The following TTC38 variants were observed in gnomAD, a reference collection of about 807,000 sequenced individuals.
The protein encoded by TTC38 is tetratricopeptide repeat domain 38, also known as tetratricopeptide repeat protein 38.
In TTC38, 64 loss-of-function variants were observed where a neutral mutation model predicts 64.2. That is an observed-to-expected ratio of 1.00 (90% CI 0.81 to 1.23). The LOEUF is 1.23. Ranked by LOEUF, TTC38 falls within the 50% of genes most tolerant of loss-of-function variation. TTC38 has a pLI of 0.00. For missense variants in TTC38, 573 were observed against 615.5 expected, an observed-to-expected ratio of 0.93 and a Z score of 0.73; for synonymous variants, 254 against 249.3, an observed-to-expected ratio of 1.02 and a Z score of -0.18.
intron 12 of TTC38, 126 bp from the exon 13 acceptor site, chr22:46,289,700 G>A: frequency 6.8e-7 from 1 of 1,467,816 alleles, no homozygotes; most frequent in Non-Finnish European, 9.5e-7. Flanking sequence ...CGCCGTGTAA[G>A]TTCGTCGTTG....
chr22:46,287,653 A>G (rs939172192), intron 10 of TTC38, among the ~76,000 whole-genome samples: 2 of 152,184 alleles, frequency 1.3e-5, no homozygotes, highest in African/African-American at 4.8e-5. Flanking sequence ...GGGGTGCCAG[A>G]TGGTTCTCCC....
At chr22:46,285,730 A>G (rs961717317) in intron 9 of TTC38, among the ~76,000 whole-genome samples, 3 of 152,002 alleles carry the variant, frequency 2.0e-5, no homozygotes, top group Admixed American at 6.6e-5. Context: ...TACGTGTACA[A>G]GGCCGGGTGT....
Position 46,292,678 on chromosome 22 carries a change from C to A in TTC38, c.1317-113C>A. ...CCCCTGGGCCTTGGCCCTTGCTGTT[C>A]CCTCAGTGCCGCAGTCTAGCCTGCC... On this transcript the variant is annotated intron_variant, in intron 13 of 13. Transcript: ENST00000381031. This position sits in a 1 kb window ranked among gnomAD's most constrained non-coding sequence, Gnocchi z 6.5. The A allele has an allele frequency of 1.1e-6, 1 of 944,908 alleles. No homozygotes were observed. Among genetic ancestry groups the A allele is most frequent in the Non-Finnish European group, 1.7e-6 (1 of 598,456 alleles). The allele number at this position is 944,908 out of a possible 1,614,324, so 58.5% of individuals were successfully genotyped here.
rs371709747 is a variant in TTC38 at position 46,275,409 on chromosome 22, TC to T, written c.532del (p.Leu178Ter). 1.3e-3 allele frequency: 2,022 copies of T among 1,613,858 alleles called. 55 individuals carry two copies. The South Asian group carries it at 0.021, about 17-fold the overall frequency. Reference sequence around the variant, plus strand: ...ATTTACCCCTTCTGGACACCTGACATCCCCCTAAGCAGGTATGTGCCAGCTG... The same window carrying T: ...ATTTACCCCTTCTGGACACCTGACATCCCCTAAGCAGGTATGTGCCAGCTG... The part of the protein sequence containing the change: ...ARIYPFWTPD[I>X]PLSSYVKGIY... On this transcript the variant is annotated frameshift_variant, in exon 5 of 14. Transcript: ENST00000381031. LOFTEE classifies it high-confidence loss of function. This position sits in a 1 kb window ranked among gnomAD's most constrained non-coding sequence, Gnocchi z 4.5.
chr22:46,292,834 C>T lies in TTC38; in HGVS notation c.1360C>T (p.Leu454=), dbSNP rs753969652. Residue 454 remains leucine (L), a synonymous_variant, in exon 14 of 14, where the codon CTG becomes TTG. Coordinates refer to ENST00000381031, the MANE Select transcript of TTC38 (RefSeq NM_017931.4). This position sits in a 1 kb window ranked among gnomAD's most constrained non-coding sequence, Gnocchi z 6.5. ...ERDALKPNSP[L]TERLIRKAAT... is the part of the protein sequence containing the mutation. ...TGATGCCTTGAAGCCCAACTCGCCC[C>T]TGACCGAGCGGCTCATCCGCAAGGC... is the stretch of plus-strand genomic sequence containing the variant. 3.7e-6 allele frequency: 6 copies of T among 1,614,094 alleles called. No homozygotes were observed. In the East Asian group the frequency reaches 1.3e-4, roughly 36 times the overall value.
chr22:46,281,516 C>G lies in TTC38; in HGVS notation c.616-83C>G. 6.6e-7 allele frequency: 1 copy of G among 1,526,454 alleles called. No individual in the cohort carries two copies. The highest frequency in any genetic ancestry group is 1.1e-5 in the South Asian group (1 of 86,976). The allele number at this position is 1,526,454 out of a possible 1,614,324, so 94.6% of individuals were successfully genotyped here. On this transcript the variant is annotated intron_variant, in intron 6 of 13. Transcript: ENST00000381031. The surrounding 1 kb of genome is among the most constrained non-coding windows in gnomAD (Gnocchi z 5.2). ...CCCCGTTCAGCCCAGGCCCCTCTTGCCCCTTAGAGACCTGCCGTCGCCTGC... is the reference window on the plus strand; with the variant it reads ...CCCCGTTCAGCCCAGGCCCCTCTTGGCCCTTAGAGACCTGCCGTCGCCTGC...
At chr22:46,279,615 C>T (rs867446073) in intron 6 of TTC38, among the ~76,000 whole-genome samples, 13 of 152,356 alleles carry the variant, frequency 8.5e-5, no homozygotes, top group Admixed American at 2.0e-4. Context: ...AGCATCCTCT[C>T]TGGGAGACAG....
chr22:46,289,633 G>A (rs1394912688), intron 12 of TTC38, 72 bp downstream of exon 12: 2 of 1,529,408 alleles, frequency 1.3e-6, no homozygotes, highest in Non-Finnish European at 1.8e-6. Context: ...CAGCCCCCAA[G>A]TTTCTCCCAT....
intron 13 of TTC38, among the ~76,000 whole-genome samples, 189 bp downstream of exon 13, chr22:46,290,088 C>T (rs1489072362): frequency 6.6e-6 from 1 of 152,180 alleles, no homozygotes; most frequent in African/African-American, 2.4e-5. Context: ...GGAGCCAGCC[C>T]CACCCCAGGC....
At chr22:46,269,026 T>C in intron 2 of TTC38, 3 of 359,882 alleles carry the variant, frequency 8.3e-6, no homozygotes, top group South Asian at 6.3e-5. Flanking sequence ...ACCTTAGCAA[T>C]AGATGGCAGC....
In TTC38 at chr22:46,274,462, G is replaced by A. The variant is rs1049760361; in HGVS notation, c.365+393G>A. Among the ~76,000 whole-genome samples the A allele has an allele frequency of 6.6e-6, 1 of 152,332 alleles. No individual in the cohort carries two copies. The highest frequency in any genetic ancestry group is 1.9e-4 in the East Asian group (1 of 5,182). On this transcript the variant is annotated intron_variant, in intron 4 of 13. Transcript: ENST00000381031. This position sits in a 1 kb window ranked among gnomAD's most constrained non-coding sequence, Gnocchi z 4.8. ...CTTCACCCATAAGTTCCTTGCTCTT[G>A]CACTGACTTTCACATCATCCCCCCG...
At position 46,289,513 on chromosome 22, in the gene TTC38, C is replaced by T. The variant is rs1257931164; in HGVS notation, c.1194C>T (p.Leu398=). The T allele has an allele frequency of 6.2e-7, 1 of 1,607,094 alleles. No individual in the cohort carries two copies. ...DGNPDRVLEL[L]LPIRYRIVQL... ...ACCCTGACCGCGTCCTGGAGCTGCT[C>T]CTGCCCATCCGCTACCGGATCGTCC... Residue 398 remains leucine, a synonymous_variant, in exon 12 of 14, where the codon CTC becomes CTT. Transcript: ENST00000381031.
intron 9 of TTC38, among the ~76,000 whole-genome samples, chr22:46,286,849 C>T (rs2077575167): frequency 6.6e-6 from 1 of 152,152 alleles, no homozygotes; most frequent in African/African-American, 2.4e-5. Context: ...GTATGCAATG[C>T]AGTGGGCTCT....
chr22:46,293,004 G>T lies in TTC38; in HGVS notation c.*120G>T. The T allele has an allele frequency of 1.4e-6, 1 of 703,056 alleles. No individual in the cohort carries two copies. Among genetic ancestry groups the T allele is most frequent in the Non-Finnish European group, 2.5e-6 (1 of 405,382 alleles). The allele number at this position is 703,056 out of a possible 1,614,324, so 43.6% of individuals were successfully genotyped here. A position where few individuals can be genotyped will look rare whatever the true frequency, so the allele number is the denominator to read the frequency against. On this transcript the variant is annotated 3_prime_UTR_variant, in exon 14 of 14. Coordinates refer to ENST00000381031, the MANE Select transcript of TTC38 (RefSeq NM_017931.4). The surrounding 1 kb of genome is among the most constrained non-coding windows in gnomAD (Gnocchi z 6.6). ...AGCCTGTTTGTTAGGGCTGTTAGAG[G>T]GTGATCTTCAGTTTTACAGGAAGTG...
At position 46,272,112 on chromosome 22, in the gene TTC38, T is replaced by C. The variant is rs1254192799; in HGVS notation, c.112-223T>C. On this transcript the variant is annotated intron_variant, in intron 2 of 13. Transcript: ENST00000381031. The surrounding 1 kb of genome is among the most constrained non-coding windows in gnomAD (Gnocchi z 6.4). ...TTCAAGTGATTCTCATGCCTCTGCC[T>C]ACCAAGTGGCTGGGACTACAGGCAT... is the stretch of plus-strand genomic sequence containing the variant. 6.6e-6 allele frequency among the ~76,000 whole-genome samples: 1 copy of C among 152,148 alleles called. No homozygotes were observed. The highest frequency in any genetic ancestry group is 6.5e-5 in the Admixed American group (1 of 15,268).
At position 46,292,856 on chromosome 22, in the gene TTC38, A is replaced by T. The variant is rs1409945525; in HGVS notation, c.1382A>T (p.Lys461Met). The T allele has an allele frequency of 6.2e-7, 1 of 1,613,886 alleles. No homozygotes were observed. Among genetic ancestry groups the T allele is most frequent in the Non-Finnish European group, 8.5e-7 (1 of 1,179,868 alleles). ...CCCCTGACCGAGCGGCTCATCCGCA[A>T]GGCAGCTACCGTCCACCTCATGCAG... ...NSPLTERLIR[K>M]AATVHLMQ Residue 461 changes from lysine (K) to methionine (M), a missense_variant, in exon 14 of 14, where the codon AAG (lysine) becomes ATG (methionine). Lys to Met is a moderately conservative substitution (Grantham distance 95). Around this residue, in one of 3 missense-constraint regions of TTC38, gnomAD observed 371 missense variants for 381.8 expected, o/e 0.97. Transcript: ENST00000381031. This position sits in a 1 kb window ranked among gnomAD's most constrained non-coding sequence, Gnocchi z 6.5.
Position 46,272,661 on chromosome 22 carries a change from C to A in TTC38, c.193+245C>A, listed in dbSNP as rs368229410. ...ATCTTTTCTTTAATTACCATCAATT[C>A]GGGAATGAAGATGCTGATCTCATTT... On this transcript the variant is annotated intron_variant, in intron 3 of 13. Transcript: ENST00000381031. The surrounding 1 kb of genome is among the most constrained non-coding windows in gnomAD (Gnocchi z 6.4). Among the ~76,000 whole-genome samples the A allele has an allele frequency of 6.6e-6, 1 of 152,124 alleles. No individual in the cohort carries two copies. The highest frequency in any genetic ancestry group is 1.5e-5 in the Non-Finnish European group (1 of 68,030).
Position 46,291,390 on chromosome 22 carries a change from C to T in TTC38, c.1317-1401C>T, listed in dbSNP as rs1388454532. The stretch of plus-strand genomic sequence containing the variant: ...TTCTGCGGGGCCCAGTGGGGGAGGG[C>T]AGGGGGAGAGCAGGCTGCACAGGGA... On this transcript the variant is annotated intron_variant, in intron 13 of 13. Transcript: ENST00000381031. This position sits in a 1 kb window ranked among gnomAD's most constrained non-coding sequence, Gnocchi z 4.6. Among the ~76,000 whole-genome samples, 1 of 151,930 alleles carries T rather than the reference C, an allele frequency of 6.6e-6. No individual in the cohort carries two copies. The highest frequency in any genetic ancestry group is 2.4e-5 in the African/African-American group (1 of 41,364).
chr22:46,293,249 G>A lies in TTC38; in HGVS notation c.*365G>A, dbSNP rs1252962492. On this transcript the variant is annotated 3_prime_UTR_variant, in exon 14 of 14. Coordinates refer to ENST00000381031, the MANE Select transcript of TTC38 (RefSeq NM_017931.4). This position sits in a 1 kb window ranked among gnomAD's most constrained non-coding sequence, Gnocchi z 6.6. ...TTCTGCTGGGACAGGTCTTCCAGAG[G>A]CAGCCTCCCCCCACTGCCTGTCCCC... 2.6e-5 allele frequency: 6 copies of A among 234,968 alleles called. No individual in the cohort carries two copies. Among genetic ancestry groups the A allele is most frequent in the Non-Finnish European group, 4.3e-5 (5 of 116,346 alleles). The allele number at this position is 234,968 out of a possible 1,614,324, so 14.6% of individuals were successfully genotyped here.
Sources: gnomAD v4.1 joint callset for allele counts (sites outside exome capture counted in the v4.1 genomes callset) on GRCh38, gnomAD v4.1.1 for gene constraint, gnomAD v4.1.1 regional missense constraint, Gnocchi (gnomAD v3.1) non-coding constraint, MANE v1.5 for transcripts, NCBI Gene and HGNC (gene_info 2026-07-23, HGNC 2026-07-21) for gene names.